Variants in SPAG16 observed in about 807,000 individuals in gnomAD.
SPAG16 encodes the protein sperm-associated antigen 16 protein.
Under a neutral mutation model 80.4 loss-of-function variants are expected in SPAG16, and 86 were observed. That is an observed-to-expected ratio of 1.07 (90% confidence interval 0.90 to 1.28). SPAG16 has a LOEUF of 1.28. Among genes scored for constraint, SPAG16 ranks in the 50% most tolerant of loss-of-function variants. SPAG16 has a pLI of 0.00. For missense variants in SPAG16, 870 were observed against 765.3 expected (o/e 1.14, Z -1.61); for synonymous variants, 294 against 265.9 (o/e 1.11, Z -1.03).
intron 11 of SPAG16, among the ~76,000 whole-genome samples, chr2:213,914,852 T>A (rs2077875606): frequency 6.6e-6 from 1 of 152,114 alleles, no homozygotes; most frequent in Non-Finnish European, 1.5e-5. Flanking sequence ...TGCTTGTAAA[T>A]TTGTTTATTT....
chr2:214,221,828 G>A (rs1490971260), intron 15 of SPAG16, among the ~76,000 whole-genome samples: 1 of 151,916 alleles, frequency 6.6e-6, no homozygotes, highest in East Asian at 1.9e-4. Flanking sequence ...TTCTTCTTAT[G>A]TTTGGGGTTG....
intron 11 of SPAG16, among the ~76,000 whole-genome samples, chr2:213,900,020 G>C (rs2106118964): frequency 6.6e-6 from 1 of 152,252 alleles, no homozygotes; most frequent in East Asian, 1.9e-4. Flanking sequence ...TTTAGTCAGA[G>C]ACTACAGATG....
At chr2:213,608,446 A>T (rs1233519143) in intron 10 of SPAG16, among the ~76,000 whole-genome samples, 3 of 152,080 alleles carry the variant, frequency 2.0e-5, no homozygotes, top group Non-Finnish European at 4.4e-5. Flanking sequence ...TCCTTGTGAT[A>T]GTTTTCTGAG....
At chr2:213,889,616 A>T (rs533015994) in intron 11 of SPAG16, among the ~76,000 whole-genome samples, 51 of 149,084 alleles carry the variant, frequency 3.4e-4, no homozygotes, top group African/African-American at 9.3e-4. Flanking sequence ...ACACACACAA[A>T]ATATATATAT....
At chr2:214,280,383 G>A (rs112867868) in intron 15 of SPAG16, among the ~76,000 whole-genome samples, 3,362 of 152,124 alleles carry the variant, frequency 0.022, 83 homozygotes, top group African/African-American at 0.057. Flanking sequence ...TTTAAAACTC[G>A]TATGGAAATA....
intron 4 of SPAG16, among the ~76,000 whole-genome samples, chr2:213,315,951 C>T (rs887411081): frequency 6.6e-6 from 1 of 151,790 alleles, no homozygotes; most frequent in African/African-American, 2.4e-5. Context: ...CTCCTAGGAC[C>T]TCTTCATTTC....
intron 13 of SPAG16, among the ~76,000 whole-genome samples, chr2:214,042,092 T>C (rs961079399): frequency 5.4e-5 from 8 of 148,656 alleles, no homozygotes. Context: ...TTTTTCTTTT[T>C]CTTTTTTTTT....
intron 11 of SPAG16, among the ~76,000 whole-genome samples, chr2:213,916,139 T>C (rs1226469727): frequency 1.3e-5 from 2 of 152,248 alleles, no homozygotes. Context: ...TAGTCTATTT[T>C]GGCTTTTGTT....
At chr2:213,565,141 GC>G (rs917799341) in intron 10 of SPAG16, among the ~76,000 whole-genome samples, 3 of 152,036 alleles carry the variant, frequency 2.0e-5, no homozygotes, top group African/African-American at 7.3e-5. Flanking sequence ...CAGCACTACC[GC>G]CAACTAGTTC....
chr2:213,572,861 C>T (rs905613456), intron 10 of SPAG16, among the ~76,000 whole-genome samples: 3 of 152,204 alleles, frequency 2.0e-5, no homozygotes, highest in Non-Finnish European at 4.4e-5. Context: ...GCAGTTTGAT[C>T]TCAGACTGCT....
intron 10 of SPAG16, among the ~76,000 whole-genome samples, chr2:213,820,390 C>T (rs1020576063): frequency 3.3e-5 from 5 of 151,750 alleles, no homozygotes; most frequent in African/African-American, 9.7e-5. Context: ...TTTATTTTGT[C>T]GTAGCTTACA....
At chr2:213,417,519 A>T (rs2069328581) in intron 9 of SPAG16, among the ~76,000 whole-genome samples, 1 of 152,208 alleles carries the variant, frequency 6.6e-6, no homozygotes, top group African/African-American at 2.4e-5. Flanking sequence ...AATGGCTATA[A>T]CTTGCTTTGT....
chr2:214,126,026 CCTTCCTTCCTTCCTTCCTTCCTTCCT>C (rs2054465424), intron 14 of SPAG16, among the ~76,000 whole-genome samples: 1 of 8,784 alleles, frequency 1.1e-4, no homozygotes, highest in East Asian at 7.7e-3. Flanking sequence ...TTCCTTCCTT[CCTTCCTTCCTTCCTTCCTTCCTTCCT>C]TCCTTCCTTT....
intron 13 of SPAG16, among the ~76,000 whole-genome samples, chr2:214,038,565 A>C (rs909160749): frequency 1.3e-5 from 2 of 151,952 alleles, no homozygotes; most frequent in Non-Finnish European, 2.9e-5. Context: ...TTAATACTTT[A>C]AGTTTTAGGG....
intron 10 of SPAG16, among the ~76,000 whole-genome samples, chr2:213,642,150 C>T (rs2062616349): frequency 6.6e-6 from 1 of 152,184 alleles, no homozygotes; most frequent in Non-Finnish European, 1.5e-5. Flanking sequence ...GACTTTCCAC[C>T]TCTCGCACTT....
At chr2:214,064,719 A>G (rs2050451375) in intron 13 of SPAG16, among the ~76,000 whole-genome samples, 1 of 152,112 alleles carries the variant, frequency 6.6e-6, no homozygotes. Flanking sequence ...AATGGGCCAC[A>G]TGGCAGTTTT....
chr2:213,920,347 G>A (rs1000118800), intron 11 of SPAG16, among the ~76,000 whole-genome samples: 1 of 152,194 alleles, frequency 6.6e-6, no homozygotes, highest in Non-Finnish European at 1.5e-5. Flanking sequence ...TGTTATGCAA[G>A]CTTGTTTGTG....
Position 213,552,894 on chromosome 2 carries a change from T to C in SPAG16, c.1070+62804T>C, listed in dbSNP as rs112029622. Among the ~76,000 whole-genome samples the C allele has an allele frequency of 7.9e-4, 120 of 152,326 alleles. 2 individuals are homozygous for C. The highest frequency in any genetic ancestry group is 3.4e-3 in the Middle Eastern group (1 of 294). ...ATGCTGGATGCTTCTTGCCCTCAAATGTCAAACATCAAATTCTTTGGCTTT... is the reference window on the plus strand; with the variant it reads ...ATGCTGGATGCTTCTTGCCCTCAAACGTCAAACATCAAATTCTTTGGCTTT... On this transcript the variant is annotated intron_variant, in intron 10 of 15. Transcript: ENST00000331683.
chr2:214,206,341 G>A (rs1482416649), intron 15 of SPAG16, among the ~76,000 whole-genome samples: 2 of 152,040 alleles, frequency 1.3e-5, no homozygotes, highest in Admixed American at 6.5e-5. Flanking sequence ...TGAGATTAAC[G>A]TTTTTAGCTG....
Sources: gnomAD v4.1 joint callset for allele counts (sites outside exome capture counted in the v4.1 genomes callset) on GRCh38, gnomAD v4.1.1 for gene constraint, MANE v1.5 for transcripts, NCBI Gene and HGNC (gene_info 2026-07-23, HGNC 2026-07-21) for gene names.